CSMD1: variants seen among roughly 807,000 people sequenced by gnomAD.
CSMD1 encodes CUB and Sushi multiple domains 1.
CSMD1 carries 213 observed loss-of-function variants against 417.5 expected under a neutral mutation model. The observed-to-expected ratio is 0.51, with a 90% confidence interval of 0.46 to 0.57. The LOEUF is 0.57. CSMD1 is among the 20% of genes least tolerant of loss of function. CSMD1 has a pLI of 0.00. For missense variants in CSMD1, 6,923 were observed against 4,529.7 expected (o/e 1.53, Z -15.17); for synonymous variants, 2,862 against 1,736.8 (o/e 1.65, Z -16.11).
intron 49 of CSMD1, among the ~76,000 whole-genome samples, chr8:3,066,434 C>T (rs757535421): frequency 7.2e-5 from 11 of 152,152 alleles, no homozygotes; most frequent in Non-Finnish European, 1.2e-4. Context: ...TTTTCCATTA[C>T]GCATTTGAAC....
rs75715922 is a variant in CSMD1 at position 3,945,530 on chromosome 8, C to G, written c.818+52373G>C. 2.4e-4 allele frequency among the ~76,000 whole-genome samples: 37 copies of G among 151,746 alleles called. No individual in the cohort carries two copies. The South Asian group carries it at 4.6e-3, about 19-fold the overall frequency. ...AAAGTTTATTGGTAATAGTGAAAGG[C>G]GTTGATTCATATAACTTTTGAGAGA... On this transcript the variant is annotated intron_variant, in intron 5 of 69. Transcript: ENST00000635120.
intron 3 of CSMD1, among the ~76,000 whole-genome samples, chr8:4,280,025 C>G (rs578091606): frequency 6.6e-6 from 1 of 152,222 alleles, no homozygotes; most frequent in Non-Finnish European, 1.5e-5. Context: ...TCCTTCCCAG[C>G]CTAGAACACA....
chr8:4,543,383 G>C (rs1797485419), intron 2 of CSMD1, among the ~76,000 whole-genome samples: 1 of 151,972 alleles, frequency 6.6e-6, no homozygotes, highest in African/African-American at 2.4e-5. Flanking sequence ...CATATATCTG[G>C]AATTATACAG....
intron 5 of CSMD1, among the ~76,000 whole-genome samples, chr8:3,816,857 C>A (rs553065863): frequency 6.6e-6 from 1 of 152,012 alleles, no homozygotes; most frequent in South Asian, 2.1e-4. Flanking sequence ...GAACATATTT[C>A]TCAGGGGTAA....
intron 3 of CSMD1, among the ~76,000 whole-genome samples, chr8:4,216,322 C>G (rs1438127244): frequency 6.6e-6 from 1 of 152,142 alleles, no homozygotes; most frequent in East Asian, 1.9e-4. Flanking sequence ...ACCTCAGTAA[C>G]TGCAGGGATG....
intron 20 of CSMD1, among the ~76,000 whole-genome samples, chr8:3,363,641 C>T (rs1414962978): frequency 6.6e-6 from 1 of 152,144 alleles, no homozygotes; most frequent in South Asian, 2.1e-4. Context: ...CATTCTCCTG[C>T]CTCAGTCTCC....
intron 5 of CSMD1, among the ~76,000 whole-genome samples, chr8:3,861,503 T>G (rs1804707790): frequency 6.6e-6 from 1 of 152,200 alleles, no homozygotes; most frequent in Non-Finnish European, 1.5e-5. Flanking sequence ...GCTGTGCCTT[T>G]GAACCTGCAC....
intron 9 of CSMD1, among the ~76,000 whole-genome samples, chr8:3,585,793 G>C (rs1446038228): frequency 6.6e-6 from 1 of 152,044 alleles, no homozygotes; most frequent in Non-Finnish European, 1.5e-5. Context: ...TAGGTTTGCG[G>C]GGTGCACAGA....
intron 3 of CSMD1, among the ~76,000 whole-genome samples, chr8:4,301,105 C>G (rs965933951): frequency 1.3e-5 from 2 of 152,156 alleles, no homozygotes; most frequent in Non-Finnish European, 2.9e-5. Flanking sequence ...CATTGAAACT[C>G]TTGCAAAATT....
intron 3 of CSMD1, among the ~76,000 whole-genome samples, chr8:4,128,523 AC>A (rs1802900148): frequency 6.6e-6 from 1 of 151,818 alleles, no homozygotes; most frequent in African/African-American, 2.4e-5. Context: ...GCTTACTCAA[AC>A]CCCCTCCTAT....
chr8:3,337,390 T>A (rs1250958749), intron 23 of CSMD1, among the ~76,000 whole-genome samples: 1 of 152,230 alleles, frequency 6.6e-6, no homozygotes, highest in Non-Finnish European at 1.5e-5. Flanking sequence ...TTGTTCTGCA[T>A]AATTACACCC....
At chr8:3,857,535 C>A (rs1804396414) in intron 5 of CSMD1, among the ~76,000 whole-genome samples, 1 of 152,166 alleles carries the variant, frequency 6.6e-6, no homozygotes, top group Non-Finnish European at 1.5e-5. Flanking sequence ...TAATATTACT[C>A]CACTGGAAAT....
chr8:4,169,917 T>C (rs566888693), intron 3 of CSMD1, among the ~76,000 whole-genome samples: 12 of 149,760 alleles, frequency 8.0e-5, no homozygotes, highest in Non-Finnish European at 1.3e-4. Context: ...ACTATTATTA[T>C]AGAACGTAAC....
intron 3 of CSMD1, among the ~76,000 whole-genome samples, chr8:4,052,879 G>A (rs901595855): frequency 6.6e-6 from 1 of 152,144 alleles, no homozygotes; most frequent in African/African-American, 2.4e-5. Flanking sequence ...TTCCAATGCA[G>A]TAGTCCATAG....
Position 3,000,839 on chromosome 8 carries a change from G to C in CSMD1, c.8030-708C>G, listed in dbSNP as rs191599922. 6.6e-3 allele frequency among the ~76,000 whole-genome samples: 1,009 copies of C among 152,264 alleles called. 6 individuals carry two copies. The highest frequency in any genetic ancestry group is 0.023 in the African/African-American group (944 of 41,536). On this transcript the variant is annotated intron_variant, in intron 52 of 69. Coordinates refer to ENST00000635120, the MANE Select transcript of CSMD1 (RefSeq NM_033225.6). ...AGAACAGGAAGGAGCGCGAGATCGC[G>C]ACAGGCGTCTTTACTTAAGGGGAGA... is the stretch of plus-strand genomic sequence containing the variant.
chr8:3,418,645 G>A (rs939667566), intron 12 of CSMD1, among the ~76,000 whole-genome samples: 3 of 152,052 alleles, frequency 2.0e-5, no homozygotes, highest in South Asian at 2.1e-4. Context: ...AACCTGCAAC[G>A]TAATGAGAAG....
At chr8:3,809,349 G>A (rs1005272045) in intron 5 of CSMD1, among the ~76,000 whole-genome samples, 25 of 152,080 alleles carry the variant, frequency 1.6e-4, no homozygotes, top group African/African-American at 3.1e-4. Flanking sequence ...ATTTGTTTAC[G>A]CACTTGTTTA....
intron 7 of CSMD1, among the ~76,000 whole-genome samples, chr8:3,651,430 G>C (rs1797852930): frequency 6.6e-6 from 1 of 152,000 alleles, no homozygotes; most frequent in Non-Finnish European, 1.5e-5. Context: ...AACTTGCTGA[G>C]CACGTAATGC....
chr8:3,500,587 G>A (rs536543654), intron 10 of CSMD1, among the ~76,000 whole-genome samples: 2 of 152,152 alleles, frequency 1.3e-5, no homozygotes, highest in Non-Finnish European at 2.9e-5. Flanking sequence ...AAAGAAAAAA[G>A]AATCTGTGGT....
Sources: allele counts gnomAD v4.1 joint callset (sites outside exome capture counted in the v4.1 genomes callset), GRCh38; gene constraint gnomAD v4.1.1; transcripts MANE v1.5; gene names NCBI Gene and HGNC (gene_info 2026-07-23, HGNC 2026-07-21).